MTHFD1: variants seen among roughly 807,000 people sequenced by gnomAD.
MTHFD1 encodes the protein C-1-tetrahydrofolate synthase, cytoplasmic.
MTHFD1 carries 44 observed loss-of-function variants against 110.3 expected under a neutral mutation model. That is an observed-to-expected ratio of 0.40 (90% CI 0.31 to 0.51). The LOEUF is 0.51. Ranked by LOEUF, MTHFD1 falls within the 20% of genes least tolerant of loss-of-function variation. The pLI, the probability that MTHFD1 is intolerant of heterozygous loss-of-function variation, is 0.60. For missense variants in MTHFD1, 909 were observed against 1,173.1 expected, an observed-to-expected ratio of 0.77 and a Z score of 3.29; for synonymous variants, 402 against 428.8, an observed-to-expected ratio of 0.94 and a Z score of 0.77.
At chr14:64,420,431 C>A (rs2078059566) in intron 8 of MTHFD1, among the ~76,000 whole-genome samples, 1 of 152,144 alleles carries the variant, frequency 6.6e-6, no homozygotes, top group African/African-American at 2.4e-5. Context: ...ATCCTCATCC[C>A]CAAGTTACCC....
intron 2 of MTHFD1, among the ~76,000 whole-genome samples, chr14:64,405,296 AC>A (rs1055736225): frequency 2.6e-5 from 4 of 152,166 alleles, no homozygotes; most frequent in Non-Finnish European, 5.9e-5. Flanking sequence ...TTAAAAACTG[AC>A]TTCCAACCTT....
intron 22 of MTHFD1, among the ~76,000 whole-genome samples, chr14:64,445,785 C>T (rs1184336125): frequency 2.6e-5 from 4 of 152,182 alleles, no homozygotes; most frequent in African/African-American, 4.8e-5. Context: ...CCCTAGCTGG[C>T]CCAGCTGGTG....
chr14:64,425,747 C>T lies in MTHFD1; in HGVS notation c.873C>T (p.Ala291=). 6.2e-7 allele frequency: 1 copy of T among 1,612,748 alleles called. No homozygotes were observed. Among genetic ancestry groups the T allele is most frequent in the Non-Finnish European group, 8.5e-7 (1 of 1,179,870 alleles). The part of the protein sequence containing the change: ...AMLMQSTVES[A]KRFLEKFKPG... ...TTGCTTAGAGCACAGTAGAGAGTGCCAAGCGTTTCCTGGAGAAATTTAAGC... is the reference window on the plus strand; with the variant it reads ...TTGCTTAGAGCACAGTAGAGAGTGCTAAGCGTTTCCTGGAGAAATTTAAGC... The change falls in exon 10 of 28, where the codon GCC becomes GCT. Residue 291 remains alanine, a synonymous_variant. Coordinates refer to ENST00000652337, the MANE Select transcript of MTHFD1 (RefSeq NM_005956.4).
intron 16 of MTHFD1, among the ~76,000 whole-genome samples, chr14:64,436,344 T>C (rs1011198935): frequency 1.3e-5 from 2 of 152,194 alleles, no homozygotes; most frequent in Admixed American, 1.3e-4. Flanking sequence ...TCCGCCCACC[T>C]CAGGCTCCCA....
chr14:64,420,631 G>A (rs982098986), intron 8 of MTHFD1, among the ~76,000 whole-genome samples: 7 of 152,184 alleles, frequency 4.6e-5, no homozygotes, highest in African/African-American at 1.4e-4. Flanking sequence ...TAACTTCCTT[G>A]CAGGTGTCCC....
intron 6 of MTHFD1, 24 bp downstream of exon 6, chr14:64,415,763 A>C: frequency 6.2e-7 from 1 of 1,609,822 alleles, no homozygotes; most frequent in Non-Finnish European, 8.5e-7. Context: ...ACCAAACAAC[A>C]AGAAAGCACC....
intron 2 of MTHFD1, among the ~76,000 whole-genome samples, chr14:64,402,388 G>A (rs1220815978): frequency 6.6e-6 from 1 of 152,166 alleles, no homozygotes; most frequent in Non-Finnish European, 1.5e-5. Flanking sequence ...GCTCACAGGG[G>A]TGGATAAAAA....
In MTHFD1 at chr14:64,430,174, T is replaced by C; in HGVS notation, c.1265-10T>C. The stretch of plus-strand genomic sequence containing the variant: ...CTTAACTGAGCTTCCACCCTTGACC[T>C]GTCCCCTAGGTGGCGCTGCAGGAGG... On this transcript the variant is annotated splice_polypyrimidine_tract_variant and intron_variant, in intron 12 of 27. Coordinates refer to ENST00000652337, the MANE Select transcript of MTHFD1 (RefSeq NM_005956.4). 1 of 1,613,512 alleles carries C rather than the reference T, an allele frequency of 6.2e-7. No individual in the cohort carries two copies. Among genetic ancestry groups the C allele is most frequent in the Non-Finnish European group, 8.5e-7 (1 of 1,179,838 alleles).
intron 18 of MTHFD1, chr14:64,440,631 C>G (rs191952148): frequency 3.1e-6 from 1 of 319,842 alleles, no homozygotes; most frequent in East Asian, 8.0e-5. Context: ...AATAGAGTGA[C>G]CTGATGTTAA....
chr14:64,407,323 G>T (rs1038243528), intron 2 of MTHFD1, among the ~76,000 whole-genome samples: 1 of 152,012 alleles, frequency 6.6e-6, no homozygotes, highest in African/African-American at 2.4e-5. Context: ...AAATTAGCTG[G>T]TTGTGGTGGT....
intron 8 of MTHFD1, among the ~76,000 whole-genome samples, chr14:64,423,429 G>A (rs1425038935): frequency 6.6e-6 from 1 of 151,864 alleles, no homozygotes; most frequent in Non-Finnish European, 1.5e-5. Flanking sequence ...TTTTTGAGAC[G>A]GAGTTTCGCT....
In MTHFD1 at chr14:64,426,183, T is replaced by C. The variant is rs148302050; in HGVS notation, c.1118T>C (p.Val373Ala). Residue 373 changes from valine to alanine, a missense_variant, in exon 11 of 28, where the codon GTG becomes GCG. Transcript: ENST00000652337. The part of the protein sequence containing the change: ...LKHRPDGKYV[V>A]VTGITPTPLG... ...CACCGGCCTGATGGGAAATACGTGG[T>C]GGTGACTGGGTATGCTTTTTATTCA... 2.0e-5 allele frequency: 33 copies of C among 1,614,150 alleles called. No homozygotes were observed. In the East Asian group the frequency reaches 7.1e-4, roughly 35 times the overall value.
At chr14:64,447,341 A>G (rs1252200890) in intron 22 of MTHFD1, among the ~76,000 whole-genome samples, 1 of 151,362 alleles carries the variant, frequency 6.6e-6, no homozygotes, top group African/African-American at 2.4e-5. Flanking sequence ...TTTTTAATAG[A>G]TACGGGGTTT....
At chr14:64,428,102 GTTT>G (rs11289659) in intron 12 of MTHFD1, among the ~76,000 whole-genome samples, 17 of 74,722 alleles carry the variant, frequency 2.3e-4, no homozygotes, top group Admixed American at 3.9e-4. Flanking sequence ...AAGAACATGT[GTTT>G]TTTTTTTTTT....
At chr14:64,431,510 T>C (rs1359714678) in intron 13 of MTHFD1, 22 bp from the exon 14 acceptor site, 7 of 1,580,032 alleles carry the variant, frequency 4.4e-6, no homozygotes, top group South Asian at 4.4e-5. Context: ...GGGAGACTAA[T>C]GTGGCTTCTG....
At position 64,411,102 on chromosome 14, in the gene MTHFD1, G is replaced by T; in HGVS notation, c.139G>T (p.Asp47Tyr). The T allele has an allele frequency of 3.1e-6, 5 of 1,612,470 alleles. No individual in the cohort carries two copies. Among genetic ancestry groups the T allele is most frequent in the Non-Finnish European group, 3.4e-6 (4 of 1,178,814 alleles). Residue 47 changes from aspartate to tyrosine, a missense_variant, in exon 3 of 28, where the codon GAT becomes TAT. Transcript: ENST00000652337. ...TTTATTATTCTAGGTTGGCAACAGA[G>T]ATGATTCCAATCTTTATATAAATGT... ...RLAILQVGNR[D>Y]DSNLYINVKL... is the part of the protein sequence containing the mutation.
chr14:64,444,482 T>C (rs2078274742), intron 21 of MTHFD1, among the ~76,000 whole-genome samples: 1 of 152,118 alleles, frequency 6.6e-6, no homozygotes, highest in South Asian at 2.1e-4. Flanking sequence ...ATTCAGGTCA[T>C]AGAGGTCTTC....
intron 13 of MTHFD1, 49 bp downstream of exon 13, chr14:64,430,279 G>T (rs528076321): frequency 1.2e-4 from 191 of 1,534,450 alleles, no homozygotes; most frequent in Non-Finnish European, 1.6e-4. Flanking sequence ...TTTTTTGTCG[G>T]GGGGGAGGGT....
intron 18 of MTHFD1, chr14:64,441,098 A>C (rs2078243464): frequency 2.6e-6 from 1 of 381,418 alleles, no homozygotes; most frequent in Non-Finnish European, 5.0e-6. Context: ...AGGCTGAGGC[A>C]GGAGAATGGC....
Sources: allele counts gnomAD v4.1 joint callset (sites outside exome capture counted in the v4.1 genomes callset), GRCh38; gene constraint gnomAD v4.1.1; transcripts MANE v1.5; gene names NCBI Gene and HGNC (gene_info 2026-07-23, HGNC 2026-07-21).